The following SEC31A variants were observed in gnomAD, a reference collection of about 807,000 sequenced individuals.
The protein encoded by SEC31A is protein transport protein Sec31A.
SEC31A carries 70 observed loss-of-function variants against 151.0 expected under a neutral mutation model. The observed-to-expected ratio is 0.46, with a 90% CI of 0.38 to 0.57. The LOEUF (loss-of-function observed/expected upper bound fraction) is 0.57, where lower values mean the gene tolerates loss of function less well. Ranked by LOEUF, SEC31A falls within the 20% of genes least tolerant of loss-of-function variation. SEC31A has a pLI of 0.00. For synonymous variants in SEC31A, 475 were observed against 505.9 expected, an observed-to-expected ratio of 0.94 and a Z score of 0.82; for missense variants, 1,330 against 1,471.2, an observed-to-expected ratio of 0.90 and a Z score of 1.57.
At chr4:82,831,364 C>T (rs1373671972) in intron 22 of SEC31A, 1 of 156,284 alleles carries the variant, frequency 6.4e-6, no homozygotes, top group Non-Finnish European at 1.4e-5. Context: ...CACTTCCTAG[C>T]ATATTCACCT....
rs751770104 is a variant in SEC31A, at chr4:82,829,103, G to GA, written c.2969-46dup. On this transcript the variant is annotated intron_variant, in intron 22 of 26. Transcript: ENST00000395310. ...ATGTTTTCCTTTAGAATCCTGAAAG[G>GA]AAAAAAAATAAAACTGAATCGATCA... 6.2e-5 allele frequency: 93 copies of GA among 1,493,016 alleles called. 1 individual carries two copies. The Admixed American group carries it at 8.5e-4, about 14-fold the overall frequency. 92.5% of individuals were successfully genotyped at this position (1,493,016 alleles called of 1,614,324 possible).
intron 20 of SEC31A, among the ~76,000 whole-genome samples, chr4:82,846,132 T>A (rs1389865502): frequency 6.6e-6 from 1 of 151,922 alleles, no homozygotes; most frequent in African/African-American, 2.4e-5. Context: ...GCCTCCTGAG[T>A]AGCTGGGACT....
intron 20 of SEC31A, among the ~76,000 whole-genome samples, chr4:82,847,059 T>C (rs1730394423): frequency 6.6e-6 from 1 of 152,242 alleles, no homozygotes; most frequent in Non-Finnish European, 1.5e-5. Flanking sequence ...AAATACAACA[T>C]ATAAATTGTG....
intron 19 of SEC31A, 80 bp from the exon 20 acceptor site, chr4:82,849,057 T>A (rs1730845942): frequency 7.8e-7 from 1 of 1,280,138 alleles, no homozygotes; most frequent in South Asian, 1.4e-5. Flanking sequence ...TTAATCAGAT[T>A]ATTCATCAAG....
At chr4:82,827,707 AG>A in intron 23 of SEC31A, 75 bp from the exon 24 acceptor site, 1 of 1,502,456 alleles carries the variant, frequency 6.7e-7, no homozygotes, top group Non-Finnish European at 9.1e-7. Flanking sequence ...GCTTAAAATA[AG>A]GGAGTTAGGT....
At chr4:82,865,487 G>C (rs1735099217) in intron 10 of SEC31A, among the ~76,000 whole-genome samples, 1 of 135,382 alleles carries the variant, frequency 7.4e-6, no homozygotes, top group South Asian at 2.4e-4. Context: ...TAGCCAAAAG[G>C]TGGAAGCAAC....
intron 22 of SEC31A, among the ~76,000 whole-genome samples, chr4:82,837,988 C>T (rs2149168792): frequency 6.6e-6 from 1 of 152,232 alleles, no homozygotes; most frequent in South Asian, 2.1e-4. Context: ...ATACATCTTT[C>T]CTTTCCCTAT....
At chr4:82,841,381 C>G in intron 22 of SEC31A, among the ~76,000 whole-genome samples, 1 of 145,102 alleles carries the variant, frequency 6.9e-6, no homozygotes, top group Non-Finnish European at 1.5e-5. Context: ...TGAGATCATG[C>G]CATTGCACTC....
intron 20 of SEC31A, among the ~76,000 whole-genome samples, chr4:82,847,999 TA>T (rs1178164314): frequency 6.6e-6 from 1 of 152,170 alleles, no homozygotes; most frequent in Non-Finnish European, 1.5e-5. Context: ...TAACAAAATG[TA>T]AAAAGACTCC....
upstream of SEC31A, chr4:82,893,103 T>C (rs1719914696): frequency 6.6e-6 from 1 of 152,204 alleles, no homozygotes; most frequent in Admixed American, 6.5e-5. Context: ...GTTTTTGCTG[T>C]GTTGCCCAGG....
intron 3 of SEC31A, among the ~76,000 whole-genome samples, chr4:82,897,417 C>T (rs922674008): frequency 1.3e-5 from 2 of 152,184 alleles, no homozygotes; most frequent in African/African-American, 4.8e-5. Flanking sequence ...AGGTCCTCAA[C>T]AAGCAAGATA....
At chr4:82,869,992 G>GA (rs1213992980) in intron 8 of SEC31A, among the ~76,000 whole-genome samples, 1 of 152,164 alleles carries the variant, frequency 6.6e-6, no homozygotes, top group African/African-American at 2.4e-5. Context: ...TGCAAACCTT[G>GA]AACAATCCTA....
At chr4:82,864,150 T>G (rs1404838753) in intron 11 of SEC31A, among the ~76,000 whole-genome samples, 1 of 152,174 alleles carries the variant, frequency 6.6e-6, no homozygotes, top group Non-Finnish European at 1.5e-5. Context: ...TTATTAAAAA[T>G]GTATTTCATA....
intron 7 of SEC31A, 111 bp from the exon 8 acceptor site, chr4:82,870,535 A>C: frequency 1.1e-6 from 1 of 871,878 alleles, no homozygotes; most frequent in South Asian, 1.6e-5. Context: ...AATACAATTA[A>C]ATGCAAGAGT....
intron 1 of SEC31A, among the ~76,000 whole-genome samples, chr4:82,888,076 C>CAA (rs533268343): frequency 1.5e-5 from 2 of 129,370 alleles, no homozygotes; most frequent in African/African-American, 5.7e-5. Context: ...CAAACAACAA[C>CAA]AAAAAAAACA....
intron 17 of SEC31A, 38 bp downstream of exon 17, chr4:82,854,865 G>A (rs921169123): frequency 9.7e-6 from 15 of 1,554,082 alleles, no homozygotes; most frequent in African/African-American, 6.9e-5. Context: ...ACCCTGCCAC[G>A]TATGTAAATG....
intron 24 of SEC31A, among the ~76,000 whole-genome samples, chr4:82,826,246 C>T (rs1724518696): frequency 6.6e-6 from 1 of 152,102 alleles, no homozygotes; most frequent in Non-Finnish European, 1.5e-5. Context: ...AAATACAACT[C>T]TATAATTAAT....
intron 10 of SEC31A, among the ~76,000 whole-genome samples, chr4:82,864,976 GTT>G (rs1734995466): frequency 6.6e-6 from 1 of 152,080 alleles, no homozygotes; most frequent in South Asian, 2.1e-4. Flanking sequence ...GTTTCACCAT[GTT>G]GGCCAGGCTG....
rs1393596356 is a variant in SEC31A at position 82,844,477 on chromosome 4, C to G, written c.2535G>C (p.Met845Ile). Residue 845 changes from methionine (M) to isoleucine (I), a missense_variant, in exon 21 of 27, where the codon ATG (methionine) becomes ATC (isoleucine). Met to Ile is a conservative substitution (Grantham distance 10, BLOSUM62 1). Coordinates refer to ENST00000395310, the MANE Select transcript of SEC31A (RefSeq NM_001077207.4). ...CAGCATTTGGATTAACATTTCCATG[C>G]ATTATGAAACCCGGAGGTGGAGGAT... ...GENPPPPGFIMHGNVNPNAAG... is the reference protein window; with the variant it reads ...GENPPPPGFIIHGNVNPNAAG... The G allele has an allele frequency of 6.2e-7, 1 of 1,613,800 alleles. No individual in the cohort carries two copies.
Sources: allele counts gnomAD v4.1 joint callset (sites outside exome capture counted in the v4.1 genomes callset), GRCh38; gene constraint gnomAD v4.1.1; transcripts MANE v1.5; gene names NCBI Gene and HGNC (gene_info 2026-07-23, HGNC 2026-07-21).